The following PLCXD3 variants were observed in gnomAD, a reference collection of about 807,000 sequenced individuals.
PLCXD3 encodes the protein phosphatidylinositol specific phospholipase C X domain containing 3.
Under a neutral mutation model 25.5 loss-of-function variants are expected in PLCXD3, and 19 were observed. The observed-to-expected ratio is 0.75, with a 90% CI of 0.52 to 1.09. PLCXD3 has a LOEUF of 1.09. Among genes scored for constraint, PLCXD3 ranks in the 50% least tolerant of loss-of-function variants. The pLI is 0.00. For missense variants in PLCXD3, 411 were observed against 388.1 expected, an observed-to-expected ratio of 1.06 and a Z score of -0.50; for synonymous variants, 174 against 137.6, an observed-to-expected ratio of 1.26 and a Z score of -1.85.
intron 1 of PLCXD3, among the ~76,000 whole-genome samples, chr5:41,495,896 T>A (rs1748826509): frequency 6.6e-6 from 1 of 152,126 alleles, no homozygotes; most frequent in African/African-American, 2.4e-5. Flanking sequence ...AATAAGTTTC[T>A]AGAAACCAAC....
intron 1 of PLCXD3, among the ~76,000 whole-genome samples, chr5:41,434,453 G>A (rs10038417): frequency 0.24 from 36,932 of 152,004 alleles, 4,487 homozygotes; most frequent in South Asian, 0.27. Flanking sequence ...CCTAGCTAGG[G>A]AGGTTCATGG....
chr5:41,319,007 G>A (rs144373449), intron 2 of PLCXD3, among the ~76,000 whole-genome samples: 16 of 152,280 alleles, frequency 1.1e-4, no homozygotes, highest in African/African-American at 3.1e-4. Flanking sequence ...AAAACTGTAA[G>A]ATGAGACAAA....
At chr5:41,476,278 T>G (rs1748282357) in intron 1 of PLCXD3, among the ~76,000 whole-genome samples, 1 of 152,212 alleles carries the variant, frequency 6.6e-6, no homozygotes, top group Non-Finnish European at 1.5e-5. Context: ...AAGGCTTTAT[T>G]ACAAGGTTTA....
chr5:41,370,519 A>G (rs1444458579), intron 2 of PLCXD3, among the ~76,000 whole-genome samples: 2 of 152,198 alleles, frequency 1.3e-5, no homozygotes, highest in South Asian at 2.1e-4. Context: ...TAATATTTCT[A>G]TTAAATTTGG....
At chr5:41,375,498 C>T (rs1166319960) in intron 2 of PLCXD3, among the ~76,000 whole-genome samples, 1 of 152,122 alleles carries the variant, frequency 6.6e-6, no homozygotes, top group African/African-American at 2.4e-5. Context: ...TAGCATTCCT[C>T]TTGGCCTCAA....
chr5:41,334,938 A>G (rs990178975), intron 2 of PLCXD3, among the ~76,000 whole-genome samples: 1 of 152,144 alleles, frequency 6.6e-6, no homozygotes, highest in African/African-American at 2.4e-5. Context: ...TTCCAGGGGA[A>G]TGAAAGAATA....
At chr5:41,397,659 A>G (rs1746050764) in intron 1 of PLCXD3, among the ~76,000 whole-genome samples, 1 of 152,126 alleles carries the variant, frequency 6.6e-6, no homozygotes, top group Middle Eastern at 3.2e-3. Context: ...AGATCCACTG[A>G]TAGCTTGCAA....
rs760905237 is a variant in PLCXD3, at chr5:41,510,464, C to T, written c.63G>A (p.Glu21=). Reference sequence around the variant, plus strand: ...TGGTGAGGGGGATGCTGTGCATGCTCTCCGGCAGAGTTGCCATCCAGTCGG... The same window carrying T: ...TGGTGAGGGGGATGCTGTGCATGCTTTCCGGCAGAGTTGCCATCCAGTCGG... ...KLADWMATLP[E]SMHSIPLTNL... The change falls in exon 1 of 3, where the codon GAG becomes GAA. Residue 21 remains glutamate (E), a synonymous_variant. Coordinates refer to ENST00000377801, the MANE Select transcript of PLCXD3 (RefSeq NM_001005473.3). The T allele has an allele frequency of 3.7e-6, 6 of 1,612,014 alleles. No homozygotes were observed. Among genetic ancestry groups the T allele is most frequent in the Non-Finnish European group, 5.1e-6 (6 of 1,178,982 alleles).
Position 41,317,720 on chromosome 5 carries a change from T to C in PLCXD3, c.813-3950A>G, listed in dbSNP as rs140901145. On this transcript the variant is annotated intron_variant, in intron 2 of 2. Coordinates refer to ENST00000377801, the MANE Select transcript of PLCXD3 (RefSeq NM_001005473.3). The stretch of plus-strand genomic sequence containing the variant: ...AATTTTCTGGAGCTGAAAAATGTAA[T>C]TGGTATACTAAAGAATGCATCAGAG... Among the ~76,000 whole-genome samples the C allele has an allele frequency of 6.6e-5, 10 of 151,890 alleles. No individual in the cohort carries two copies. In the East Asian group the frequency reaches 1.6e-3, roughly 24 times the overall value.
intron 2 of PLCXD3, among the ~76,000 whole-genome samples, chr5:41,357,808 C>T (rs1744660528): frequency 6.6e-6 from 1 of 151,298 alleles, no homozygotes; most frequent in Non-Finnish European, 1.5e-5. Context: ...TAGAGAAAAA[C>T]AAAACCCCAA....
intron 2 of PLCXD3, among the ~76,000 whole-genome samples, chr5:41,316,614 A>G (rs185234595): frequency 6.6e-6 from 1 of 152,146 alleles, no homozygotes; most frequent in African/African-American, 2.4e-5. Flanking sequence ...GCCCAGGGTC[A>G]GAGGGAGCCC....
chr5:41,346,554 T>A (rs773166422), intron 2 of PLCXD3, among the ~76,000 whole-genome samples: 1 of 152,134 alleles, frequency 6.6e-6, no homozygotes, highest in African/African-American at 2.4e-5. Flanking sequence ...TAATTTTGAA[T>A]GTGTATGTTG....
chr5:41,477,745 AT>A (rs1156517846), intron 1 of PLCXD3, among the ~76,000 whole-genome samples: 1 of 152,124 alleles, frequency 6.6e-6, no homozygotes, highest in Non-Finnish European at 1.5e-5. Flanking sequence ...TCTCAGTGCA[AT>A]TTCCTACTTA....
chr5:41,372,298 T>TCACACACACA (rs71608605), intron 2 of PLCXD3, among the ~76,000 whole-genome samples: 2 of 110,712 alleles, frequency 1.8e-5, no homozygotes, highest in East Asian at 5.0e-4. Context: ...TCTCTCTCTC[T>TCACACACACA]CACACACACA....
intron 1 of PLCXD3, 21 bp downstream of exon 1, chr5:41,510,403 C>CCGCA (rs1739025393): frequency 2.5e-6 from 4 of 1,590,052 alleles, no homozygotes; most frequent in Non-Finnish European, 3.4e-6. Flanking sequence ...AGCGCCTAGC[C>CCGCA]CGCAGCCCCT....
chr5:41,393,966 G>T (rs7713704), intron 1 of PLCXD3, among the ~76,000 whole-genome samples: 16,111 of 151,936 alleles, frequency 0.11, 1,058 homozygotes, highest in Admixed American at 0.17. Context: ...ACTCGTAATA[G>T]TAAACATGGC....
At chr5:41,441,716 T>C (rs1433071088) in intron 1 of PLCXD3, among the ~76,000 whole-genome samples, 4 of 152,204 alleles carry the variant, frequency 2.6e-5, no homozygotes, top group African/African-American at 9.6e-5. Context: ...GTAGACAACG[T>C]CTTGGGGATA....
intron 1 of PLCXD3, among the ~76,000 whole-genome samples, chr5:41,430,991 G>T (rs1747085710): frequency 6.6e-6 from 1 of 152,046 alleles, no homozygotes; most frequent in Admixed American, 6.6e-5. Context: ...TCCTCTAATG[G>T]GGTATTTGAC....
intron 1 of PLCXD3, among the ~76,000 whole-genome samples, chr5:41,396,793 C>T (rs1156640398): frequency 6.6e-6 from 1 of 152,198 alleles, no homozygotes; most frequent in Non-Finnish European, 1.5e-5. Context: ...AAAGCTCGCA[C>T]TTGCTATGCT....
Sources: gnomAD v4.1 joint callset for allele counts (sites outside exome capture counted in the v4.1 genomes callset) on GRCh38, gnomAD v4.1.1 for gene constraint, MANE v1.5 for transcripts, NCBI Gene and HGNC (gene_info 2026-07-23, HGNC 2026-07-21) for gene names.